The following GRIN2B variants were observed in gnomAD, a reference collection of about 807,000 sequenced individuals.
GRIN2B encodes the protein glutamate receptor ionotropic, NMDA 2B.
In GRIN2B, 5 loss-of-function variants were observed where a neutral mutation model predicts 114.5. That is an observed-to-expected ratio of 0.04 (90% CI 0.02 to 0.09). The LOEUF is 0.09. Ranked by LOEUF, GRIN2B falls within the 10% of genes least tolerant of loss-of-function variation. GRIN2B has a pLI of 1.00. For synonymous variants in GRIN2B, 787 were observed against 745.1 expected (o/e 1.06, Z -0.92); for missense variants, 1,108 against 1,943.5 (o/e 0.57, Z 8.08).
At chr12:13,688,477 G>C (rs533347759) in intron 4 of GRIN2B, among the ~76,000 whole-genome samples, 194 of 152,244 alleles carry the variant, frequency 1.3e-3, no homozygotes, top group Non-Finnish European at 1.4e-3. Flanking sequence ...CAGTCTCTAA[G>C]GGCTGTCAAT....
At chr12:13,785,780 T>C (rs566392261) in intron 3 of GRIN2B, among the ~76,000 whole-genome samples, 4 of 152,264 alleles carry the variant, frequency 2.6e-5, no homozygotes, top group African/African-American at 9.6e-5. Flanking sequence ...GATAACAAAA[T>C]AGTTATGATT....
At chr12:13,812,997 G>A (rs1347818282) in intron 3 of GRIN2B, among the ~76,000 whole-genome samples, 2 of 141,890 alleles carry the variant, frequency 1.4e-5, no homozygotes, top group African/African-American at 2.6e-5. Context: ...GCAGTGGTCC[G>A]AGCTTGATCT....
intron 4 of GRIN2B, among the ~76,000 whole-genome samples, chr12:13,711,223 T>C (rs1159111176): frequency 2.0e-5 from 3 of 151,418 alleles, no homozygotes; most frequent in Non-Finnish European, 4.4e-5. Flanking sequence ...ATACAAAAAT[T>C]AATTCAAGAT....
chr12:13,753,186 C>T lies in GRIN2B; in HGVS notation c.1010+131G>A. The T allele has an allele frequency of 1.3e-6, 1 of 772,232 alleles. No individual in the cohort carries two copies. The highest frequency in any genetic ancestry group is 1.7e-5 in the Admixed American group (1 of 58,538). 47.8% of individuals were successfully genotyped at this position (772,232 alleles called of 1,614,324 possible). On this transcript the variant is annotated intron_variant, in intron 4 of 13. Transcript: ENST00000609686. This position sits in a 1 kb window ranked among gnomAD's most constrained non-coding sequence, Gnocchi z 6.2. Reference sequence around the variant, plus strand: ...CACTCCCCCAATCATGACCAATTGCCATGCCCAAGGCCAGGCTTCAACCTG... The same window carrying T: ...CACTCCCCCAATCATGACCAATTGCTATGCCCAAGGCCAGGCTTCAACCTG...
chr12:13,930,685 G>A (rs1396865443), intron 2 of GRIN2B, among the ~76,000 whole-genome samples: 1 of 152,152 alleles, frequency 6.6e-6, no homozygotes, highest in Admixed American at 6.5e-5. Flanking sequence ...TTGGATAAAG[G>A]CAGAGGGAGC....
At chr12:13,835,771 TAAAA>T (rs1165005583) in intron 3 of GRIN2B, among the ~76,000 whole-genome samples, 5 of 91,490 alleles carry the variant, frequency 5.5e-5, no homozygotes, top group Non-Finnish European at 8.2e-5. Context: ...CATAGCACAT[TAAAA>T]AAAAAAAAAA....
chr12:13,864,337 T>C (rs1865791554), intron 3 of GRIN2B, among the ~76,000 whole-genome samples: 1 of 152,194 alleles, frequency 6.6e-6, no homozygotes, highest in South Asian at 2.1e-4. Context: ...GCGGAGGTTG[T>C]CAACTAGCCA....
intron 3 of GRIN2B, among the ~76,000 whole-genome samples, chr12:13,851,567 G>T (rs1039011798): frequency 1.3e-5 from 2 of 152,032 alleles, no homozygotes; most frequent in Admixed American, 1.3e-4. Context: ...CTAAATCCTT[G>T]GGTATGAGGC....
intron 2 of GRIN2B, among the ~76,000 whole-genome samples, chr12:13,941,855 C>A (rs560132345): frequency 5.9e-5 from 9 of 152,308 alleles, no homozygotes; most frequent in Non-Finnish European, 8.8e-5. Context: ...GAAAATGAGG[C>A]CCAACTGTGA....
At chr12:13,621,448 C>T (rs1949512337) in intron 5 of GRIN2B, among the ~76,000 whole-genome samples, 1 of 151,990 alleles carries the variant, frequency 6.6e-6, no homozygotes, top group Admixed American at 6.6e-5. Flanking sequence ...GACTGTAAAG[C>T]ACTCAGAATT....
At chr12:13,674,111 G>T (rs1371477266) in intron 5 of GRIN2B, among the ~76,000 whole-genome samples, 2 of 152,082 alleles carry the variant, frequency 1.3e-5, no homozygotes, top group Non-Finnish European at 2.9e-5. Context: ...TGTAATTCCA[G>T]TGCTTTGGGA....
At position 13,694,664 on chromosome 12, in the gene GRIN2B, TATATATA is replaced by T. The variant is rs1460024612; in HGVS notation, c.1011-18812_1011-18806del. On this transcript the variant is annotated intron_variant, in intron 4 of 13. Coordinates refer to ENST00000609686, the MANE Select transcript of GRIN2B (RefSeq NM_000834.5). ...ATTGTGCAAGAAAATGTCATATATA[TATATATA>T]TATATATATATATATATATATATAT... Among the ~76,000 whole-genome samples, 159 of 55,066 alleles carry T rather than the reference TATATATA, an allele frequency of 2.9e-3. 8 individuals carry two copies. The highest frequency in any genetic ancestry group is 7.1e-3 in the African/African-American group (149 of 20,990). The allele number at this position is 55,066 out of a possible 152,430, so 36.1% of individuals were successfully genotyped here.
At chr12:13,914,014 T>C (rs144788651) in intron 2 of GRIN2B, among the ~76,000 whole-genome samples, 2 of 152,298 alleles carry the variant, frequency 1.3e-5, no homozygotes, top group African/African-American at 4.8e-5. Context: ...TCATCTTTGA[T>C]CTTAGATTCA....
intron 4 of GRIN2B, among the ~76,000 whole-genome samples, chr12:13,694,702 T>TATATAA (rs1252005103): frequency 2.4e-5 from 3 of 126,284 alleles, no homozygotes; most frequent in East Asian, 2.3e-4. Flanking sequence ...TATATATATA[T>TATATAA]AAATTAATTA....
intron 5 of GRIN2B, among the ~76,000 whole-genome samples, chr12:13,636,789 T>C (rs1949669764): frequency 6.6e-6 from 1 of 152,184 alleles, no homozygotes; most frequent in Admixed American, 6.5e-5. Context: ...AGTGATGAAC[T>C]GTATGACCTC....
chr12:13,905,284 C>G (rs1033633031), intron 2 of GRIN2B, among the ~76,000 whole-genome samples: 1 of 152,180 alleles, frequency 6.6e-6, no homozygotes, highest in South Asian at 2.1e-4. Flanking sequence ...ACTCCTCATC[C>G]AGTTCACTAA....
At chr12:13,631,399 C>T (rs537178453) in intron 5 of GRIN2B, among the ~76,000 whole-genome samples, 1 of 151,958 alleles carries the variant, frequency 6.6e-6, no homozygotes, top group Non-Finnish European at 1.5e-5. Context: ...AAACATTTGC[C>T]AAAATACCCT....
chr12:13,698,262 C>T (rs1031014202), intron 4 of GRIN2B, among the ~76,000 whole-genome samples: 3 of 152,216 alleles, frequency 2.0e-5, no homozygotes, highest in Non-Finnish European at 2.9e-5. Flanking sequence ...CATTTAGGAA[C>T]GTCTCCAAAT....
chr12:13,804,805 T>C (rs1864574353), intron 3 of GRIN2B, among the ~76,000 whole-genome samples: 1 of 152,170 alleles, frequency 6.6e-6, no homozygotes, highest in Non-Finnish European at 1.5e-5. Context: ...TTGCCCATAA[T>C]AGGCACTTAC....
Sources: gnomAD v4.1 joint callset for allele counts (sites outside exome capture counted in the v4.1 genomes callset) on GRCh38, gnomAD v4.1.1 for gene constraint, Gnocchi (gnomAD v3.1) non-coding constraint, MANE v1.5 for transcripts, NCBI Gene and HGNC (gene_info 2026-07-23, HGNC 2026-07-21) for gene names.